The following GRHL2 variants were observed in gnomAD, a reference collection of about 807,000 sequenced individuals.
GRHL2 encodes the protein grainyhead like transcription factor 2.
Under a neutral mutation model 83.8 loss-of-function variants are expected in GRHL2, and 21 were observed. The observed-to-expected ratio is 0.25, with a 90% CI of 0.18 to 0.36. The LOEUF is 0.36. Ranked by LOEUF, GRHL2 falls within the 10% of genes least tolerant of loss-of-function variation. The pLI is 1.00. For missense variants in GRHL2, 623 were observed against 781.8 expected (o/e 0.80, Z 2.42); for synonymous variants, 280 against 278.9 (o/e 1.00, Z -0.04).
At chr8:101,531,107 G>T (rs1810916117) in intron 1 of GRHL2, among the ~76,000 whole-genome samples, 1 of 151,918 alleles carries the variant, frequency 6.6e-6, no homozygotes, top group Non-Finnish European at 1.5e-5. Flanking sequence ...GACCACTCTG[G>T]AGGCTGAGGT....
At chr8:101,495,456 TTTTGTC>T (rs1396723917) in intron 1 of GRHL2, among the ~76,000 whole-genome samples, 1 of 152,228 alleles carries the variant, frequency 6.6e-6, no homozygotes, top group Non-Finnish European at 1.5e-5. Context: ...TTTTAGGACA[TTTTGTC>T]TTTGTACATA....
chr8:101,662,248 T>C (rs1813936911), intron 14 of GRHL2, among the ~76,000 whole-genome samples: 1 of 152,230 alleles, frequency 6.6e-6, no homozygotes, highest in East Asian at 1.9e-4. Context: ...TTGTTTTTCA[T>C]CCTTGGCTCG....
chr8:101,593,096 G>A lies in GRHL2; in HGVS notation c.1004-5961G>A, dbSNP rs142685895. 5.8e-3 allele frequency among the ~76,000 whole-genome samples: 887 copies of A among 152,172 alleles called. 8 individuals are homozygous for A. Among genetic ancestry groups the A allele is most frequent in the Non-Finnish European group, 9.8e-3 (666 of 68,008 alleles). On this transcript the variant is annotated intron_variant, in intron 7 of 15. Coordinates refer to ENST00000646743, the MANE Select transcript of GRHL2 (RefSeq NM_024915.4). ...AGAGTAGCTGGGATTACAGACACTT[G>A]CCACCACGCCTGGCTAATTTTTGTA...
At chr8:101,557,701 T>A (rs1472540574) in intron 3 of GRHL2, among the ~76,000 whole-genome samples, 1 of 152,198 alleles carries the variant, frequency 6.6e-6, no homozygotes, top group African/African-American at 2.4e-5. Context: ...CCACCCTTCC[T>A]CCTTTTTTCA....
chr8:101,615,261 C>T (rs1318209328), intron 8 of GRHL2, among the ~76,000 whole-genome samples: 1 of 152,162 alleles, frequency 6.6e-6, no homozygotes, highest in Non-Finnish European at 1.5e-5. Flanking sequence ...GTGGGTCTGT[C>T]CCACTTAAAT....
chr8:101,495,876 C>T (rs776776144), intron 1 of GRHL2, among the ~76,000 whole-genome samples: 11 of 152,066 alleles, frequency 7.2e-5, no homozygotes, highest in Admixed American at 2.6e-4. Flanking sequence ...GGGCCAGGCG[C>T]GGCGGCTCAC....
At chr8:101,645,335 G>A (rs1306340896) in intron 13 of GRHL2, among the ~76,000 whole-genome samples, 2 of 151,990 alleles carry the variant, frequency 1.3e-5, no homozygotes, top group African/African-American at 4.8e-5. Context: ...GTTTCACAAT[G>A]TTGGCCAGGA....
chr8:101,561,393 G>C (rs1223051048), intron 4 of GRHL2, among the ~76,000 whole-genome samples: 1 of 152,162 alleles, frequency 6.6e-6, no homozygotes, highest in Non-Finnish European at 1.5e-5. Flanking sequence ...CTAGACTATA[G>C]TGTCATTCCA....
intron 15 of GRHL2, among the ~76,000 whole-genome samples, chr8:101,664,957 T>G (rs1814012495): frequency 6.6e-6 from 1 of 152,158 alleles, no homozygotes; most frequent in Non-Finnish European, 1.5e-5. Flanking sequence ...TCTCAAATGA[T>G]CATTGGACCT....
chr8:101,619,495 C>A (rs936748880), intron 8 of GRHL2, 44 bp from the exon 9 acceptor site: 3 of 1,590,904 alleles, frequency 1.9e-6, no homozygotes, highest in South Asian at 1.1e-5. Flanking sequence ...ATTGTACATT[C>A]TTTTTATGTT....
intron 7 of GRHL2, among the ~76,000 whole-genome samples, chr8:101,582,847 GTGTGTGTGTA>G (rs1341394467): frequency 6.6e-6 from 1 of 152,148 alleles, no homozygotes; most frequent in East Asian, 1.9e-4. Context: ...ATATTCAAGT[GTGTGTGTGTA>G]TGTGTGTGTA....
chr8:101,575,440 C>T (rs901886994), intron 6 of GRHL2, among the ~76,000 whole-genome samples: 1 of 152,080 alleles, frequency 6.6e-6, no homozygotes, highest in African/African-American at 2.4e-5. Flanking sequence ...TGAAGAGTCC[C>T]CCCTTTCTTG....
In GRHL2 at chr8:101,515,893, C is replaced by T. The variant is rs192036187; in HGVS notation, c.20+23104C>T. Reference sequence around the variant, plus strand: ...GTTACTGTACGTAGTGTGTCACAGGCACCCCTCTAAGCACTGTCCATGGAT... The same window carrying T: ...GTTACTGTACGTAGTGTGTCACAGGTACCCCTCTAAGCACTGTCCATGGAT... On this transcript the variant is annotated intron_variant, in intron 1 of 15. Transcript: ENST00000646743. Among the ~76,000 whole-genome samples, 22 of 152,298 alleles carry T rather than the reference C, an allele frequency of 1.4e-4. No homozygotes were observed. The East Asian group carries it at 4.0e-3, about 28-fold the overall frequency.
intron 7 of GRHL2, among the ~76,000 whole-genome samples, chr8:101,587,789 T>G (rs1271511662): frequency 6.6e-6 from 1 of 152,180 alleles, no homozygotes; most frequent in Non-Finnish European, 1.5e-5. Flanking sequence ...AAATCATATG[T>G]TTCATGAACA....
chr8:101,551,772 C>G (rs1259609852), intron 2 of GRHL2, among the ~76,000 whole-genome samples: 2 of 149,444 alleles, frequency 1.3e-5, no homozygotes, highest in African/African-American at 2.5e-5. Flanking sequence ...AGAGACAGAG[C>G]TGGTGGGATG....
At chr8:101,666,458 C>A in intron 15 of GRHL2, 131 bp from the exon 16 acceptor site, 1 of 696,980 alleles carries the variant, frequency 1.4e-6, no homozygotes, top group Non-Finnish European at 2.7e-6. Flanking sequence ...CTTGTGTCCT[C>A]TCTCCTCCAC....
chr8:101,549,028 A>G lies in GRHL2; in HGVS notation c.217-3687A>G, dbSNP rs60731358. Among the ~76,000 whole-genome samples, 354 of 152,256 alleles carry G rather than the reference A, an allele frequency of 2.3e-3. 6 individuals are homozygous for G. The East Asian group carries it at 0.058, about 25-fold the overall frequency. On this transcript the variant is annotated intron_variant, in intron 2 of 15. Transcript: ENST00000646743. ...GCCTACTACATTCCAGGCATTGAGG[A>G]CATAACCATGTACAAGGTAGGCATA...
In GRHL2 at chr8:101,573,844, G is replaced by C. The variant is rs892478029; in HGVS notation, c.891+20G>C. ...GTCAGGGTAGGGGCCACATTTCTCAGATAAAGTACAAAGGAATCCGATGAA... is the reference window on the plus strand; with the variant it reads ...GTCAGGGTAGGGGCCACATTTCTCACATAAAGTACAAAGGAATCCGATGAA... On this transcript the variant is annotated intron_variant, in intron 6 of 15. Coordinates refer to ENST00000646743, the MANE Select transcript of GRHL2 (RefSeq NM_024915.4). 6.2e-7 allele frequency: 1 copy of C among 1,613,894 alleles called. No individual in the cohort carries two copies. Among genetic ancestry groups the C allele is most frequent in the African/African-American group, 1.3e-5 (1 of 74,912 alleles).
At chr8:101,649,560 C>T in intron 14 of GRHL2, 61 bp downstream of exon 14, 4 of 1,279,692 alleles carry the variant, frequency 3.1e-6, no homozygotes, top group South Asian at 1.2e-5. Flanking sequence ...CCTCTGGAAT[C>T]CATGTACTAA....
Sources: gnomAD v4.1 joint callset for allele counts (sites outside exome capture counted in the v4.1 genomes callset) on GRCh38, gnomAD v4.1.1 for gene constraint, MANE v1.5 for transcripts, NCBI Gene and HGNC (gene_info 2026-07-23, HGNC 2026-07-21) for gene names.